The following CSMD1 variants were observed in gnomAD, a reference collection of about 807,000 sequenced individuals.
CSMD1 encodes the protein CUB and Sushi multiple domains 1.
In CSMD1, 213 loss-of-function variants were observed where a neutral mutation model predicts 417.5. The observed-to-expected ratio is 0.51, with a 90% CI of 0.46 to 0.57. The LOEUF (loss-of-function observed/expected upper bound fraction) is 0.57. Among genes scored for constraint, CSMD1 ranks in the 20% least tolerant of loss-of-function variants. CSMD1 has a pLI of 0.00. For synonymous variants in CSMD1, 2,862 were observed against 1,736.8 expected (o/e 1.65, Z -16.11); for missense variants, 6,923 against 4,529.7 (o/e 1.53, Z -15.17).
intron 1 of CSMD1, among the ~76,000 whole-genome samples, chr8:4,914,312 C>G (rs987408086): frequency 1.1e-4 from 16 of 152,068 alleles, no homozygotes; most frequent in African/African-American, 3.9e-4. Context: ...TGCGGTGGCT[C>G]ACACCTGTAA....
At chr8:3,831,007 T>G (rs1202027651) in intron 5 of CSMD1, among the ~76,000 whole-genome samples, 1 of 152,200 alleles carries the variant, frequency 6.6e-6, no homozygotes, top group Non-Finnish European at 1.5e-5. Context: ...AAAAAATTTC[T>G]GCTTGTTGGC....
chr8:4,957,460 C>T (rs1342635073), intron 1 of CSMD1, among the ~76,000 whole-genome samples: 2 of 152,190 alleles, frequency 1.3e-5, no homozygotes, highest in African/African-American at 2.4e-5. Flanking sequence ...CCTAAGTTCT[C>T]TTGATCATTT....
chr8:3,862,873 T>G (rs1029052578), intron 5 of CSMD1, among the ~76,000 whole-genome samples: 1 of 152,186 alleles, frequency 6.6e-6, no homozygotes, highest in Non-Finnish European at 1.5e-5. Flanking sequence ...TTTATGCTAT[T>G]ATTACTGTGT....
chr8:4,435,649 G>A (rs1038077842), intron 2 of CSMD1, among the ~76,000 whole-genome samples: 1 of 152,168 alleles, frequency 6.6e-6, no homozygotes, highest in African/African-American at 2.4e-5. Flanking sequence ...CTCCCTGGGG[G>A]AAGGGGATTT....
In CSMD1 at chr8:3,990,794, G is replaced by A. The variant is rs189221662; in HGVS notation, c.818+7109C>T. Among the ~76,000 whole-genome samples the A allele has an allele frequency of 4.6e-3, 695 of 152,242 alleles. 2 individuals carry two copies. The highest frequency in any genetic ancestry group is 0.016 in the African/African-American group (661 of 41,540). On this transcript the variant is annotated intron_variant, in intron 5 of 69. Transcript: ENST00000635120. ...CATCCCTTTCATGAGGAAGGAGAGG[G>A]GAGGGCAGGAAATAATTCCTAGGGT...
chr8:4,148,236 C>T (rs867080760), intron 3 of CSMD1, among the ~76,000 whole-genome samples: 1 of 151,754 alleles, frequency 6.6e-6, no homozygotes, highest in Non-Finnish European at 1.5e-5. Context: ...AACTTTAAAA[C>T]AAAATGAAAA....
At chr8:4,037,122 T>C (rs3860855) in intron 3 of CSMD1, among the ~76,000 whole-genome samples, 22,839 of 152,286 alleles carry the variant, frequency 0.15, 2,461 homozygotes, top group East Asian at 0.39. Flanking sequence ...TACTTGTTTT[T>C]ATTAATCTTT....
At chr8:3,256,489 A>G (rs948410385) in intron 26 of CSMD1, among the ~76,000 whole-genome samples, 22 of 152,280 alleles carry the variant, frequency 1.4e-4, no homozygotes, top group African/African-American at 5.3e-4. Flanking sequence ...TAGCTACTAT[A>G]TCTATAGATA....
At chr8:4,598,324 A>C (rs1425631257) in intron 2 of CSMD1, among the ~76,000 whole-genome samples, 1 of 152,212 alleles carries the variant, frequency 6.6e-6, no homozygotes, top group Non-Finnish European at 1.5e-5. Context: ...AATTCCTAGC[A>C]GTCTAAACAG....
chr8:3,868,033 G>A (rs898559276), intron 5 of CSMD1, among the ~76,000 whole-genome samples: 2 of 151,984 alleles, frequency 1.3e-5, no homozygotes, highest in African/African-American at 2.4e-5. Flanking sequence ...TCCTGATTTG[G>A]CCCTGCACCC....
intron 1 of CSMD1, among the ~76,000 whole-genome samples, chr8:4,970,229 T>G (rs1810153138): frequency 6.6e-6 from 1 of 152,112 alleles, no homozygotes; most frequent in African/African-American, 2.4e-5. Context: ...TGCCATTCAT[T>G]CACTTTGGGA....
intron 23 of CSMD1, among the ~76,000 whole-genome samples, chr8:3,318,358 C>T (rs541956625): frequency 1.3e-4 from 20 of 152,182 alleles, no homozygotes; most frequent in African/African-American, 2.9e-4. Context: ...TCTGGCCTAC[C>T]GCATTGATTC....
chr8:3,913,401 G>T (rs775359928), intron 5 of CSMD1, among the ~76,000 whole-genome samples: 1 of 152,114 alleles, frequency 6.6e-6, no homozygotes, highest in Non-Finnish European at 1.5e-5. Flanking sequence ...CAGACCAGAA[G>T]AAGCAAACCA....
intron 5 of CSMD1, among the ~76,000 whole-genome samples, chr8:3,777,878 C>A (rs1373319704): frequency 2.7e-5 from 4 of 150,856 alleles, no homozygotes; most frequent in Non-Finnish European, 5.9e-5. Context: ...GACCCGCAGT[C>A]TCCTTGAAGC....
chr8:3,612,615 C>T (rs1016084979), intron 8 of CSMD1, among the ~76,000 whole-genome samples: 2 of 152,080 alleles, frequency 1.3e-5, no homozygotes, highest in Non-Finnish European at 2.9e-5. Context: ...TAATCTCTAA[C>T]CATGCAGATT....
chr8:4,194,179 G>A (rs947755483), intron 3 of CSMD1, among the ~76,000 whole-genome samples: 2 of 152,124 alleles, frequency 1.3e-5, no homozygotes, highest in African/African-American at 4.8e-5. Flanking sequence ...TATCAAGTCT[G>A]TACATGTCAT....
chr8:4,577,996 G>A (rs1014604354), intron 2 of CSMD1, among the ~76,000 whole-genome samples: 1 of 152,168 alleles, frequency 6.6e-6, no homozygotes, highest in African/African-American at 2.4e-5. Flanking sequence ...GACTTTCGGG[G>A]ATCACATATT....
chr8:3,978,183 A>T (rs1167637300), intron 5 of CSMD1, among the ~76,000 whole-genome samples: 1 of 151,950 alleles, frequency 6.6e-6, no homozygotes. Flanking sequence ...TGTCTGCAGG[A>T]CTCCTGTTAT....
intron 2 of CSMD1, among the ~76,000 whole-genome samples, chr8:4,570,294 T>A (rs1022520826): frequency 6.6e-6 from 1 of 152,210 alleles, no homozygotes; most frequent in Non-Finnish European, 1.5e-5. Context: ...ACAGCTCTTA[T>A]TATTTTGACA....
Sources: allele counts gnomAD v4.1 joint callset (sites outside exome capture counted in the v4.1 genomes callset), GRCh38; gene constraint gnomAD v4.1.1; transcripts MANE v1.5; gene names NCBI Gene and HGNC (gene_info 2026-07-23, HGNC 2026-07-21).